Variants in LAMC1 observed in about 807,000 individuals in gnomAD.
LAMC1 encodes laminin subunit gamma 1, also known as laminin subunit gamma-1.
A neutral mutation model predicts 173.6 loss-of-function variants in LAMC1; 38 were observed. The observed-to-expected ratio is 0.22, with a 90% confidence interval of 0.17 to 0.29. The LOEUF (loss-of-function observed/expected upper bound fraction) is 0.29, where lower values mean the gene tolerates loss of function less well. Ranked by LOEUF, LAMC1 falls within the 10% of genes least tolerant of loss-of-function variation. The pLI, the probability that LAMC1 is intolerant of heterozygous loss-of-function variation, is 1.00. For missense variants in LAMC1, 1,824 were observed against 2,051.8 expected, an observed-to-expected ratio of 0.89 and a Z score of 2.14; for synonymous variants, 746 against 749.1, an observed-to-expected ratio of 1.00 and a Z score of 0.07.
At chr1:183,029,810 C>G (rs74697661) in intron 1 of LAMC1, among the ~76,000 whole-genome samples, 2 of 152,146 alleles carry the variant, frequency 1.3e-5, no homozygotes, top group African/African-American at 4.8e-5. Flanking sequence ...TCTTTTAGTT[C>G]AGTTAAAGAT....
intron 1 of LAMC1, among the ~76,000 whole-genome samples, chr1:183,050,833 A>G (rs1422967820): frequency 1.3e-5 from 2 of 148,160 alleles, no homozygotes; most frequent in Non-Finnish European, 3.0e-5. Context: ...GGAGGTTGCA[A>G]TGAGCCAAGA....
chr1:183,129,071 G>A (rs898177015), intron 18 of LAMC1, among the ~76,000 whole-genome samples: 12 of 143,694 alleles, frequency 8.4e-5, no homozygotes, highest in Admixed American at 5.1e-4. Context: ...AAAGGCATGC[G>A]TCTTCATAAG....
At chr1:183,043,188 G>A (rs1211234586) in intron 1 of LAMC1, among the ~76,000 whole-genome samples, 1 of 152,100 alleles carries the variant, frequency 6.6e-6, no homozygotes, top group African/African-American at 2.4e-5. Context: ...TGATCTAGTA[G>A]ATTTAGGAAG....
intron 1 of LAMC1, among the ~76,000 whole-genome samples, chr1:183,082,123 A>G (rs971677987): frequency 1.3e-5 from 2 of 152,214 alleles, no homozygotes; most frequent in African/African-American, 4.8e-5. Context: ...ACCACAATTT[A>G]TCCATTCAAT....
At chr1:183,098,601 T>A (rs1190024053) in intron 1 of LAMC1, among the ~76,000 whole-genome samples, 2 of 152,230 alleles carry the variant, frequency 1.3e-5, no homozygotes, top group Non-Finnish European at 2.9e-5. Flanking sequence ...TGCTGGACTT[T>A]ACATTGGCTA....
intron 1 of LAMC1, among the ~76,000 whole-genome samples, chr1:183,088,649 A>G (rs1261850661): frequency 6.6e-6 from 1 of 152,252 alleles, no homozygotes; most frequent in Admixed American, 6.5e-5. Flanking sequence ...TGTTGGAGCA[A>G]GAAACACAAA....
In LAMC1 at chr1:183,023,857, G is replaced by T. The variant is rs747749323; in HGVS notation, c.141G>T (p.Pro47=). The change falls in exon 1 of 28, where the codon CCG becomes CCT. Residue 47 remains proline, a synonymous_variant. Coordinates refer to ENST00000258341, the MANE Select transcript of LAMC1 (RefSeq NM_002293.4). ...AGTGCACGGACGAGGGCGGGCGGCC[G>T]CAGCGCTGCATGCCCGAGTTCGTCA... ...MDECTDEGGR[P]QRCMPEFVNA... The T allele has an allele frequency of 2.5e-6, 4 of 1,609,716 alleles. No individual in the cohort carries two copies. In the South Asian group the frequency reaches 4.4e-5, roughly 18 times the overall value.
chr1:183,040,827 TAAAG>T (rs1430592586), intron 1 of LAMC1, among the ~76,000 whole-genome samples: 1 of 152,156 alleles, frequency 6.6e-6, no homozygotes, highest in Admixed American at 6.5e-5. Context: ...AGGTTGCACT[TAAAG>T]AGCATGCAGT....
chr1:183,117,170 G>T, intron 8 of LAMC1, 150 bp from the exon 9 acceptor site: 1 of 771,084 alleles, frequency 1.3e-6, no homozygotes, highest in Non-Finnish European at 2.0e-6. Flanking sequence ...GCATATATTG[G>T]TACTGTTGTA....
At chr1:183,044,405 A>G (rs557880935) in intron 1 of LAMC1, among the ~76,000 whole-genome samples, 1 of 152,030 alleles carries the variant, frequency 6.6e-6, no homozygotes, top group East Asian at 1.9e-4. Flanking sequence ...TTTTATGTTT[A>G]TTTATTTTCA....
chr1:183,102,955 A>G (rs916643337), intron 1 of LAMC1, among the ~76,000 whole-genome samples: 1 of 152,238 alleles, frequency 6.6e-6, no homozygotes, highest in Non-Finnish European at 1.5e-5. Flanking sequence ...GTTAGCATAT[A>G]TTTGCTTTTG....
chr1:183,099,234 G>C (rs956321445), intron 1 of LAMC1, among the ~76,000 whole-genome samples: 2 of 151,990 alleles, frequency 1.3e-5, no homozygotes, highest in Admixed American at 6.6e-5. Context: ...GATTACAGGC[G>C]CGTACCACCA....
chr1:183,119,152 C>T (rs1656401049), intron 11 of LAMC1, among the ~76,000 whole-genome samples: 1 of 152,110 alleles, frequency 6.6e-6, no homozygotes, highest in Admixed American at 6.6e-5. Flanking sequence ...CTGCCTCGGC[C>T]TCCCAAAGTG....
intron 1 of LAMC1, among the ~76,000 whole-genome samples, chr1:183,030,420 G>T (rs1445439744): frequency 1.3e-5 from 2 of 152,148 alleles, no homozygotes; most frequent in African/African-American, 4.8e-5. Context: ...CACTTGTCTG[G>T]CATAGTGTTC....
chr1:183,055,402 T>C (rs1203023379), intron 1 of LAMC1, among the ~76,000 whole-genome samples: 2 of 152,108 alleles, frequency 1.3e-5, no homozygotes, highest in African/African-American at 2.4e-5. Context: ...TTAGGGTGAC[T>C]AATTTAGCCT....
intron 26 of LAMC1, 25 bp from the exon 27 acceptor site, chr1:183,140,379 T>G (rs372634077): frequency 1.4e-6 from 2 of 1,477,380 alleles, no homozygotes; most frequent in African/African-American, 2.8e-5. Flanking sequence ...CAGTCAAGAC[T>G]CTTTGCCTCA....
intron 1 of LAMC1, among the ~76,000 whole-genome samples, chr1:183,081,787 G>A (rs1655284049): frequency 6.6e-6 from 1 of 151,986 alleles, no homozygotes; most frequent in Non-Finnish European, 1.5e-5. Context: ...CTATAGTTTA[G>A]GCTCTCTCTT....
chr1:183,098,489 A>T (rs1211544431), intron 1 of LAMC1, among the ~76,000 whole-genome samples: 1 of 152,148 alleles, frequency 6.6e-6, no homozygotes. Flanking sequence ...AGCAGAAATC[A>T]CACCTCCACA....
At chr1:183,083,353 T>G (rs1655337003) in intron 1 of LAMC1, among the ~76,000 whole-genome samples, 1 of 152,198 alleles carries the variant, frequency 6.6e-6, no homozygotes, top group Non-Finnish European at 1.5e-5. Flanking sequence ...CATCCTTCCA[T>G]CTGGGTGAAT....
Sources: gnomAD v4.1 joint callset for allele counts (sites outside exome capture counted in the v4.1 genomes callset) on GRCh38, gnomAD v4.1.1 for gene constraint, MANE v1.5 for transcripts, NCBI Gene and HGNC (gene_info 2026-07-23, HGNC 2026-07-21) for gene names.